SLC12A5: variants seen among roughly 807,000 people sequenced by gnomAD.
The protein encoded by SLC12A5 is solute carrier family 12 member 5.
In SLC12A5, 18 loss-of-function variants were observed where a neutral mutation model predicts 124.0. The ratio of observed to expected loss-of-function variants is 0.15; its 90% CI spans 0.10 to 0.22. SLC12A5 has a LOEUF of 0.22. Ranked by LOEUF, SLC12A5 falls within the 10% of genes least tolerant of loss-of-function variation. SLC12A5 has a pLI of 1.00. For missense variants in SLC12A5, 867 were observed against 1,478.7 expected (o/e 0.59, Z 6.78); for synonymous variants, 589 against 568.0 (o/e 1.04, Z -0.53).
chr20:46,039,869 G>A (rs561750528), intron 6 of SLC12A5, among the ~76,000 whole-genome samples: 19 of 151,998 alleles, frequency 1.3e-4, no homozygotes, highest in African/African-American at 4.6e-4. Flanking sequence ...TCCATAGTCT[G>A]TGGGGATATC....
In SLC12A5 at chr20:46,034,896, G is replaced by C. The variant is rs1331540831; in HGVS notation, c.53-52G>C. ...TGGCTACACCACTGTATGCCCAGGT[G>C]GTTGGACAACAACTGATTGGTTCCA... On this transcript the variant is annotated intron_variant, in intron 1 of 25. Transcript: ENST00000243964. 1.9e-6 allele frequency: 3 copies of C among 1,554,350 alleles called. No homozygotes were observed. In the Admixed American group the frequency reaches 5.0e-5, roughly 26 times the overall value.
chr20:46,030,333 G>A (rs1367569433), intron 1 of SLC12A5, among the ~76,000 whole-genome samples: 1 of 152,156 alleles, frequency 6.6e-6, no homozygotes, highest in African/African-American at 2.4e-5. Flanking sequence ...GACGCGCTGC[G>A]GTGGGTGCGG....
chr20:46,046,137 G>T (rs1011431907), intron 13 of SLC12A5, 141 bp downstream of exon 13: 1 of 894,150 alleles, frequency 1.1e-6, no homozygotes, highest in Non-Finnish European at 1.8e-6. Context: ...CCCATCGTTT[G>T]TTATAGAGAG....
Position 46,036,731 on chromosome 20 carries a change from T to A in SLC12A5, c.427-10T>A, listed in dbSNP as rs1430008457. 3.7e-6 allele frequency: 6 copies of A among 1,613,642 alleles called. No homozygotes were observed. In the South Asian group the frequency reaches 6.6e-5, roughly 18 times the overall value. ...CCCAGCCACCGCTCTGATGATCTCT[T>A]TCCTCACAGACGATGCTCACGGCCA... On this transcript the variant is annotated splice_polypyrimidine_tract_variant and intron_variant, in intron 4 of 25. Transcript: ENST00000243964.
intron 5 of SLC12A5, 67 bp from the exon 6 acceptor site, chr20:46,037,188 C>T (rs2145484401): frequency 1.3e-6 from 2 of 1,512,234 alleles, no homozygotes; most frequent in East Asian, 4.6e-5. Context: ...TGTCACTGAA[C>T]ACCCCTCACC....
At chr20:46,042,966 G>A (rs572785608) in intron 8 of SLC12A5, among the ~76,000 whole-genome samples, 187 bp from the exon 9 acceptor site, 1 of 152,268 alleles carries the variant, frequency 6.6e-6, no homozygotes, top group South Asian at 2.1e-4. Flanking sequence ...TCTGTGAAAG[G>A]TCTGTACATA....
intron 6 of SLC12A5, 85 bp downstream of exon 6, chr20:46,037,470 C>A: frequency 7.1e-7 from 1 of 1,403,932 alleles, no homozygotes; most frequent in Non-Finnish European, 9.4e-7. Flanking sequence ...ATAGGCCAGG[C>A]CATTCAGTGA....
At position 46,051,777 on chromosome 20, in the gene SLC12A5, G is replaced by A; in HGVS notation, c.2284G>A (p.Gly762Ser). ...DGVSHLIQSG[G>S]LGGLQHNTVL... The stretch of plus-strand genomic sequence containing the variant: ...CGTGTCCCATCTGATCCAGTCCGGG[G>A]GCCTCGGGGGGCTGCAGCACAACAC... Residue 762 changes from glycine to serine, a missense_variant, in exon 18 of 26, where the codon GGC becomes AGC. Gly to Ser is a moderately conservative substitution (Grantham distance 56, BLOSUM62 0). Around this residue, in one of 9 missense-constraint regions of SLC12A5, gnomAD observed 110 missense variants for 149.9 expected, o/e 0.73. Coordinates refer to ENST00000243964, the MANE Select transcript of SLC12A5 (RefSeq NM_020708.5). 2 of 1,609,362 alleles carry A rather than the reference G, an allele frequency of 1.2e-6. No homozygotes were observed. Among genetic ancestry groups the A allele is most frequent in the Non-Finnish European group, 1.7e-6 (2 of 1,178,058 alleles).
At chr20:46,055,612 G>A (rs1216519041) in intron 21 of SLC12A5, among the ~76,000 whole-genome samples, 3 of 152,116 alleles carry the variant, frequency 2.0e-5, no homozygotes, top group Non-Finnish European at 4.4e-5. Context: ...TACCCCAGCT[G>A]GGGACAGAAG....
intron 1 of SLC12A5, among the ~76,000 whole-genome samples, chr20:46,029,602 A>G (rs933702919): frequency 3.9e-5 from 6 of 152,162 alleles, no homozygotes; most frequent in African/African-American, 1.4e-4. Context: ...GCCCGGGGGC[A>G]GAGCTGCGGG....
chr20:46,043,787 G>A (rs1008932409), intron 10 of SLC12A5, 56 bp downstream of exon 10: 53 of 1,612,758 alleles, frequency 3.3e-5, no homozygotes, highest in Non-Finnish European at 4.4e-5. Context: ...AGGGAGGGCA[G>A]CTGAACTTGC....
Position 46,058,537 on chromosome 20 carries a change from AG to A in SLC12A5, c.*936del, listed in dbSNP as rs1257404920. ...ATGCAAGTTGGGGCCAGGATAGGGG[AG>A]GGGTGCTCCTCAAGAGGAAGAAACC... On this transcript the variant is annotated 3_prime_UTR_variant, in exon 26 of 26. Coordinates refer to ENST00000243964, the MANE Select transcript of SLC12A5 (RefSeq NM_020708.5). The surrounding 1 kb of genome is among the most constrained non-coding windows in gnomAD (Gnocchi z 5.8). The A allele has an allele frequency of 1.8e-5, 7 of 398,804 alleles. No homozygotes were observed. Among genetic ancestry groups the A allele is most frequent in the Non-Finnish European group, 3.1e-5 (7 of 226,152 alleles). The allele number at this position is 398,804 out of a possible 1,614,324, so 24.7% of individuals were successfully genotyped here. A position where few individuals can be genotyped will look rare whatever the true frequency, so the allele number is the denominator to read the frequency against.
chr20:46,054,877 T>A lies in SLC12A5; in HGVS notation c.2680-39T>A, dbSNP rs2084676105. Reference sequence around the variant, plus strand: ...GACCTCATGCTTTCCTCCGTGTTCCTCTCCCCACCCCCCAACCCCAACCTC... The same window carrying A: ...GACCTCATGCTTTCCTCCGTGTTCCACTCCCCACCCCCCAACCCCAACCTC... On this transcript the variant is annotated intron_variant, in intron 20 of 25. Coordinates refer to ENST00000243964, the MANE Select transcript of SLC12A5 (RefSeq NM_020708.5). 5.3e-6 allele frequency: 8 copies of A among 1,501,908 alleles called. No homozygotes were observed. In the East Asian group the frequency reaches 1.8e-4, roughly 34 times the overall value. 93.0% of individuals were successfully genotyped at this position (1,501,908 alleles called of 1,614,324 possible).
chr20:46,043,846 G>T, intron 10 of SLC12A5, 30 bp from the exon 11 acceptor site: 6 of 1,613,770 alleles, frequency 3.7e-6, no homozygotes, highest in South Asian at 2.2e-5. Flanking sequence ...GGACTGAACC[G>T]TGGGGATTCT....
chr20:46,043,851 G>A (rs779482740), intron 10 of SLC12A5, 25 bp from the exon 11 acceptor site: 22 of 1,613,698 alleles, frequency 1.4e-5, no homozygotes, highest in East Asian at 2.2e-5. Context: ...GAACCGTGGG[G>A]ATTCTCCTTT....
intron 6 of SLC12A5, chr20:46,038,272 A>G (rs1175728813): frequency 6.6e-6 from 1 of 152,122 alleles, no homozygotes; most frequent in Non-Finnish European, 1.5e-5. Context: ...AGTCACTGAC[A>G]GCCTCGACTT....
intron 16 of SLC12A5, among the ~76,000 whole-genome samples, chr20:46,049,281 G>A (rs1478273085): frequency 6.6e-6 from 1 of 152,188 alleles, no homozygotes; most frequent in Non-Finnish European, 1.5e-5. Flanking sequence ...TGTACACGTG[G>A]GCGGGCAAAA....
At chr20:46,021,756 T>C (rs1373578585), upstream of SLC12A5, 6 of 1,534,412 alleles carry the variant, frequency 3.9e-6, no homozygotes, top group Admixed American at 9.8e-5. Context: ...GCCTGGCTCC[T>C]TTCCGCGCCA....
rs749370059 is a variant in SLC12A5, at chr20:46,056,446, G to A, written c.2992G>A (p.Glu998Lys). ...AGGGGAGGAGCCTGAGGGGGAAGGGGAGACAGATCCGGAGAAGGTGCATCT... is the reference window on the plus strand; with the variant it reads ...AGGGGAGGAGCCTGAGGGGGAAGGGAAGACAGATCCGGAGAAGGTGCATCT... ...SPGEEPEGEG[E>K]TDPEKVHLTW... The change falls in exon 23 of 26, where the codon GAG becomes AAG. Residue 998 changes from glutamate (E) to lysine (K), a missense_variant. This residue lies in a region of SLC12A5 where 180 missense variants were observed against 243.6 expected (regional missense o/e 0.74). Transcript: ENST00000243964. This position sits in a 1 kb window ranked among gnomAD's most constrained non-coding sequence, Gnocchi z 4.3. 2 of 1,614,142 alleles carry A rather than the reference G, an allele frequency of 1.2e-6. No homozygotes were observed. Among genetic ancestry groups the A allele is most frequent in the South Asian group, 1.1e-5 (1 of 91,068 alleles).
Sources: gnomAD v4.1 joint callset for allele counts (sites outside exome capture counted in the v4.1 genomes callset) on GRCh38, gnomAD v4.1.1 for gene constraint, gnomAD v4.1.1 regional missense constraint, Gnocchi (gnomAD v3.1) non-coding constraint, MANE v1.5 for transcripts, NCBI Gene and HGNC (gene_info 2026-07-23, HGNC 2026-07-21) for gene names.